CCDC148: variants seen among roughly 807,000 people sequenced by gnomAD.
CCDC148 encodes coiled-coil domain containing 148.
In CCDC148, 89 loss-of-function variants were observed where a neutral mutation model predicts 85.7. The ratio of observed to expected loss-of-function variants is 1.04; its 90% CI spans 0.87 to 1.24. The LOEUF (loss-of-function observed/expected upper bound fraction) is 1.24, where lower values mean the gene tolerates loss of function less well. CCDC148 is among the 50% of genes most tolerant of loss of function. The pLI is 0.00. For synonymous variants in CCDC148, 230 were observed against 213.9 expected (o/e 1.08, Z -0.66); for missense variants, 692 against 671.7 (o/e 1.03, Z -0.33).
At chr2:158,307,154 CATTG>C (rs1234478273) in intron 9 of CCDC148, among the ~76,000 whole-genome samples, 9 of 151,654 alleles carry the variant, frequency 5.9e-5, no homozygotes, top group Admixed American at 1.3e-4. Context: ...GGAGACAAGT[CATTG>C]ATTGGGAGAA....
At position 158,338,856 on chromosome 2, in the gene CCDC148, T is replaced by A; in HGVS notation, c.634A>T (p.Ile212Phe). 2.5e-6 allele frequency: 4 copies of A among 1,612,056 alleles called. No homozygotes were observed. The highest frequency in any genetic ancestry group is 3.4e-6 in the Non-Finnish European group (4 of 1,179,492). The change falls in exon 7 of 14, where the codon ATT becomes TTT. Residue 212 changes from isoleucine (I) to phenylalanine (F), a missense_variant. Ile to Phe is a conservative substitution (Grantham distance 21). Coordinates refer to ENST00000283233, the MANE Select transcript of CCDC148 (RefSeq NM_138803.4). The stretch of plus-strand genomic sequence containing the variant: ...GGGCATTCCAAACTTTCTAATTCAA[T>A]GGGCAGTTCACTAAGCGGGTTAGTC... ...EKTNPLSELP[I>F]ELESLECPYP...
chr2:158,345,363 A>C, intron 2 of CCDC148, 45 bp from the exon 3 acceptor site: 1 of 1,361,184 alleles, frequency 7.3e-7, no homozygotes, highest in Non-Finnish European at 1.0e-6. Flanking sequence ...AAGTTTTCAG[A>C]ATGTGTTTTT....
intron 10 of CCDC148, among the ~76,000 whole-genome samples, chr2:158,245,792 C>T (rs1688547077): frequency 6.6e-6 from 1 of 152,110 alleles, no homozygotes; most frequent in Non-Finnish European, 1.5e-5. Flanking sequence ...CAATAGCTCC[C>T]AGGGATCATT....
intron 7 of CCDC148, among the ~76,000 whole-genome samples, chr2:158,319,884 A>C (rs1574614942): frequency 1.3e-5 from 2 of 152,258 alleles, no homozygotes; most frequent in African/African-American, 4.8e-5. Context: ...CATTTTTAAG[A>C]CCAGAAAAAC....
intron 7 of CCDC148, among the ~76,000 whole-genome samples, chr2:158,326,944 T>G (rs1241142728): frequency 6.6e-6 from 1 of 152,300 alleles, no homozygotes; most frequent in East Asian, 1.9e-4. Flanking sequence ...TACTTAACTA[T>G]ATACCTCACC....
At position 158,425,067 on chromosome 2, in the gene CCDC148, T is replaced by C. The variant is rs1248238262; in HGVS notation, c.25+31348A>G. 28 of 457,154 alleles carry C rather than the reference T, an allele frequency of 6.1e-5. No homozygotes were observed. In the Admixed American group the frequency reaches 6.6e-4, roughly 11 times the overall value. 28.3% of individuals were successfully genotyped at this position (457,154 alleles called of 1,614,324 possible). On this transcript the variant is annotated intron_variant, in intron 1 of 13. Transcript: ENST00000283233. ...GGGCCCTAGGGGGTCGTGACCAAGG[T>C]CAAGGCATAATTGGAATCAATGATC...
intron 2 of CCDC148, among the ~76,000 whole-genome samples, chr2:158,353,148 C>G (rs1325336756): frequency 6.8e-6 from 1 of 146,694 alleles, no homozygotes; most frequent in Non-Finnish European, 1.5e-5. Context: ...ACCATCGAGA[C>G]TAGGAAGAAA....
At position 158,358,527 on chromosome 2, in the gene CCDC148, C is replaced by T. The variant is rs1683776216; in HGVS notation, c.69G>A (p.Lys23=). The T allele has an allele frequency of 6.3e-7, 1 of 1,599,732 alleles. No individual in the cohort carries two copies. The highest frequency in any genetic ancestry group is 8.5e-7 in the Non-Finnish European group (1 of 1,174,484). ...FHMKNEMRNI[K]YKPVDYQQLR... ...ATTGTTGATAGTCTACTGGTTTGTA[C>T]TTGATGTTTCTCATCTCATTTTTCA... The change falls in exon 2 of 14, where the codon AAG becomes AAA. Residue 23 remains lysine (K), a synonymous_variant. Coordinates refer to ENST00000283233, the MANE Select transcript of CCDC148 (RefSeq NM_138803.4).
chr2:158,343,989 C>T (rs1286780237), intron 3 of CCDC148, among the ~76,000 whole-genome samples: 1 of 152,044 alleles, frequency 6.6e-6, no homozygotes, highest in Non-Finnish European at 1.5e-5. Context: ...ACCTCTTCTA[C>T]ATAGCTTAAG....
At chr2:158,320,239 A>G (rs1036178115) in intron 7 of CCDC148, among the ~76,000 whole-genome samples, 1 of 152,286 alleles carries the variant, frequency 6.6e-6, no homozygotes, top group East Asian at 1.9e-4. Context: ...CAAACCAACC[A>G]TAAGTAATCA....
In CCDC148 at chr2:158,289,970, A is replaced by G. The variant is rs528724926; in HGVS notation, c.1110+19463T>C. 1.8e-4 allele frequency among the ~76,000 whole-genome samples: 28 copies of G among 152,348 alleles called. 1 individual carries two copies. Among genetic ancestry groups the G allele is most frequent in the Middle Eastern group, 6.8e-3 (2 of 294 alleles). On this transcript the variant is annotated intron_variant, in intron 9 of 13. Coordinates refer to ENST00000283233, the MANE Select transcript of CCDC148 (RefSeq NM_138803.4). ...CAAAACTAAATTATATTACTCAGGG[A>G]TGCATATCCAGTGATAAAACCAAGG...
At chr2:158,380,651 C>T (rs968769770) in intron 1 of CCDC148, among the ~76,000 whole-genome samples, 2 of 152,036 alleles carry the variant, frequency 1.3e-5, no homozygotes, top group Admixed American at 1.3e-4. Context: ...ATGCAAAGGA[C>T]AAGGATAGCC....
intron 9 of CCDC148, among the ~76,000 whole-genome samples, chr2:158,274,912 G>C (rs1559034628): frequency 6.6e-6 from 1 of 152,336 alleles, no homozygotes; most frequent in East Asian, 1.9e-4. Flanking sequence ...AAGATTCTCA[G>C]AAGCAAAGAT....
chr2:158,265,524 T>C (rs1397900864), intron 9 of CCDC148, among the ~76,000 whole-genome samples: 2 of 151,138 alleles, frequency 1.3e-5, no homozygotes, highest in Non-Finnish European at 3.0e-5. Context: ...AGTATATTTA[T>C]TGAATTAATA....
intron 1 of CCDC148, among the ~76,000 whole-genome samples, chr2:158,426,001 G>C (rs67120403): frequency 0.092 from 13,985 of 151,978 alleles, 698 homozygotes; most frequent in African/African-American, 0.12. Context: ...TTTGACTTTA[G>C]AGCTAATCAG....
rs183846006 is a variant in CCDC148, at chr2:158,285,479, C to T, written c.1110+23954G>A. ...AATAATAGTAATATACATATATATA[C>T]ACATACATTCATACATACATATACT... On this transcript the variant is annotated intron_variant, in intron 9 of 13. Coordinates refer to ENST00000283233, the MANE Select transcript of CCDC148 (RefSeq NM_138803.4). Among the ~76,000 whole-genome samples, 808 of 150,834 alleles carry T rather than the reference C, an allele frequency of 5.4e-3. 3 individuals carry two copies. The highest frequency in any genetic ancestry group is 7.8e-3 in the Non-Finnish European group (530 of 67,792).
intron 9 of CCDC148, among the ~76,000 whole-genome samples, chr2:158,252,075 C>A (rs1429455808): frequency 6.6e-6 from 1 of 151,640 alleles, no homozygotes; most frequent in Non-Finnish European, 1.5e-5. Flanking sequence ...TAGAGGTATG[C>A]AAAATTCTTT....
chr2:158,227,034 C>G (rs1687578324), intron 10 of CCDC148, among the ~76,000 whole-genome samples: 1 of 152,006 alleles, frequency 6.6e-6, no homozygotes, highest in East Asian at 1.9e-4. Flanking sequence ...TTGCAGATGA[C>G]ATGATTGTAT....
At chr2:158,418,306 GT>G (rs1686600858) in intron 1 of CCDC148, among the ~76,000 whole-genome samples, 1 of 151,968 alleles carries the variant, frequency 6.6e-6, no homozygotes, top group Non-Finnish European at 1.5e-5. Flanking sequence ...ATAATATATG[GT>G]TTTCTCTGTA....
Sources: allele counts gnomAD v4.1 joint callset (sites outside exome capture counted in the v4.1 genomes callset), GRCh38; gene constraint gnomAD v4.1.1; transcripts MANE v1.5; gene names NCBI Gene and HGNC (gene_info 2026-07-23, HGNC 2026-07-21).